Variants in GCH1 observed in about 807,000 individuals in gnomAD.
GCH1 encodes GTP cyclohydrolase I.
Under a neutral mutation model 25.9 loss-of-function variants are expected in GCH1, and 5 were observed. That is an observed-to-expected ratio of 0.19 (90% confidence interval 0.10 to 0.41). The LOEUF (loss-of-function observed/expected upper bound fraction) is 0.41. Ranked by LOEUF, GCH1 falls within the 10% of genes least tolerant of loss-of-function variation. GCH1 has a pLI of 1.00. For missense variants in GCH1, 261 were observed against 336.5 expected, an observed-to-expected ratio of 0.78 and a Z score of 1.75; for synonymous variants, 159 against 129.6, an observed-to-expected ratio of 1.23 and a Z score of -1.54.
At chr14:54,895,673 G>C (rs367612321) in intron 1 of GCH1, among the ~76,000 whole-genome samples, 2 of 152,312 alleles carry the variant, frequency 1.3e-5, no homozygotes, top group South Asian at 4.1e-4. Flanking sequence ...ATAAAACCTT[G>C]AATATTTAAG....
At chr14:54,901,004 TA>T (rs36095464) in intron 1 of GCH1, among the ~76,000 whole-genome samples, 2 of 151,744 alleles carry the variant, frequency 1.3e-5, no homozygotes, top group African/African-American at 4.8e-5. Flanking sequence ...AATTGAGGGG[TA>T]AAAAAAAGTG....
chr14:54,869,132 G>A lies in GCH1; in HGVS notation c.344-3696C>T, dbSNP rs370462109. Among the ~76,000 whole-genome samples the A allele has an allele frequency of 7.3e-3, 1,093 of 150,380 alleles. 13 individuals are homozygous for A. Among genetic ancestry groups the A allele is most frequent in the African/African-American group, 0.025 (1,009 of 40,956 alleles). ...CGGCTCACTGCAACCTTCGCCTCCC[G>A]GGTTCAAGCGATTCTCCTGCCTCAG... On this transcript the variant is annotated intron_variant, in intron 1 of 5. Coordinates refer to ENST00000491895, the MANE Select transcript of GCH1 (RefSeq NM_000161.3).
Position 54,843,805 on chromosome 14 carries a change from T to C in GCH1, c.*212A>G, listed in dbSNP as rs560636108. ...ACACTATTAGCAGTTCACTTTAATATTGCCACAAAAAGGTGGCAAGAAGAA... is the reference window on the plus strand; with the variant it reads ...ACACTATTAGCAGTTCACTTTAATACTGCCACAAAAAGGTGGCAAGAAGAA... On this transcript the variant is annotated 3_prime_UTR_variant, in exon 6 of 6. Transcript: ENST00000491895. 8.1e-6 allele frequency: 13 copies of C among 1,613,962 alleles called. No homozygotes were observed. Among genetic ancestry groups the C allele is most frequent in the African/African-American group, 8.0e-5 (6 of 75,052 alleles).
Position 54,865,452 on chromosome 14 carries a change from T to G in GCH1, c.344-16A>C. ...TTTAGGACATCTGAAATCAGAGGCT[T>G]GCTTTAGTAACATGTCCAATTTTAT... On this transcript the variant is annotated splice_polypyrimidine_tract_variant and intron_variant, in intron 1 of 5. Coordinates refer to ENST00000491895, the MANE Select transcript of GCH1 (RefSeq NM_000161.3). The G allele has an allele frequency of 8.2e-7, 1 of 1,225,870 alleles. No homozygotes were observed. Among genetic ancestry groups the G allele is most frequent in the Non-Finnish European group, 1.2e-6 (1 of 828,074 alleles). 75.9% of individuals were successfully genotyped at this position (1,225,870 alleles called of 1,614,324 possible).
chr14:54,883,480 C>A (rs2040302664), intron 1 of GCH1, among the ~76,000 whole-genome samples: 1 of 151,232 alleles, frequency 6.6e-6, no homozygotes, highest in African/African-American at 2.4e-5. Context: ...GAAATCGTGA[C>A]CATCCTGGCT....
At chr14:54,869,260 C>T (rs766879426) in intron 1 of GCH1, among the ~76,000 whole-genome samples, 1 of 151,904 alleles carries the variant, frequency 6.6e-6, no homozygotes, top group African/African-American at 2.4e-5. Flanking sequence ...AGGCTGGTCT[C>T]GAACTCCTGA....
intron 3 of GCH1, among the ~76,000 whole-genome samples, chr14:54,853,721 A>C (rs1020993771): frequency 2.6e-5 from 4 of 151,188 alleles, no homozygotes; most frequent in Non-Finnish European, 4.4e-5. Context: ...TACATTAATC[A>C]GTGAGATTTG....
chr14:54,852,019 A>T (rs2039738688), intron 3 of GCH1, among the ~76,000 whole-genome samples: 1 of 152,196 alleles, frequency 6.6e-6, no homozygotes, highest in Non-Finnish European at 1.5e-5. Context: ...CGAACTACTG[A>T]CCTCAGGTGA....
intron 3 of GCH1, among the ~76,000 whole-genome samples, chr14:54,856,724 A>C (rs1448073026): frequency 2.6e-5 from 4 of 152,210 alleles, no homozygotes; most frequent in Non-Finnish European, 5.9e-5. Context: ...AAGTGCTGAG[A>C]TTACAGGCAT....
intron 5 of GCH1, among the ~76,000 whole-genome samples, chr14:54,844,890 C>T (rs2039615918): frequency 6.6e-6 from 1 of 152,154 alleles, no homozygotes; most frequent in Admixed American, 6.5e-5. Context: ...ATAAAAATGG[C>T]TATTGGCGTG....
chr14:54,900,656 A>T (rs1166696677), intron 1 of GCH1, among the ~76,000 whole-genome samples: 10 of 152,150 alleles, frequency 6.6e-5, no homozygotes, highest in Non-Finnish European at 1.2e-4. Context: ...GACCTGTCTC[A>T]GGGTCAGAAA....
intron 1 of GCH1, among the ~76,000 whole-genome samples, chr14:54,867,656 G>C (rs961844214): frequency 8.0e-5 from 12 of 149,416 alleles, no homozygotes; most frequent in Non-Finnish European, 1.6e-4. Context: ...CCTTGGGCAA[G>C]GTACTCTGTA....
At chr14:54,866,914 G>A (rs555526474) in intron 1 of GCH1, among the ~76,000 whole-genome samples, 3 of 152,180 alleles carry the variant, frequency 2.0e-5, no homozygotes, top group Non-Finnish European at 4.4e-5. Context: ...GGAGAAAAAG[G>A]CGCAGTGTCA....
intron 1 of GCH1, chr14:54,878,143 G>A (rs1334927436): frequency 1.3e-5 from 2 of 154,770 alleles, no homozygotes; most frequent in African/African-American, 4.8e-5. Context: ...TCCAGGGAAA[G>A]ATTTCCTCAA....
chr14:54,874,367 C>G (rs1341126154), intron 1 of GCH1, among the ~76,000 whole-genome samples: 2 of 152,146 alleles, frequency 1.3e-5, no homozygotes, highest in African/African-American at 4.8e-5. Flanking sequence ...CTATCTATGA[C>G]AAACCCACAG....
At chr14:54,871,993 A>ATTCAG (rs2040086218) in intron 1 of GCH1, among the ~76,000 whole-genome samples, 2 of 152,066 alleles carry the variant, frequency 1.3e-5, no homozygotes, top group Admixed American at 1.3e-4. Flanking sequence ...GGAAATACAG[A>ATTCAG]GAATGCCACA....
intron 1 of GCH1, among the ~76,000 whole-genome samples, chr14:54,890,365 C>T (rs1385268819): frequency 1.3e-5 from 2 of 152,268 alleles, no homozygotes; most frequent in Non-Finnish European, 2.9e-5. Context: ...GGCTTGGTGG[C>T]GCATGCCTAT....
chr14:54,883,595 A>T (rs1211355262), intron 1 of GCH1, among the ~76,000 whole-genome samples: 1 of 151,824 alleles, frequency 6.6e-6, no homozygotes, highest in African/African-American at 2.4e-5. Flanking sequence ...AGGAGAATGG[A>T]GTGAACCCAG....
At chr14:54,872,595 G>A (rs2040097365) in intron 1 of GCH1, among the ~76,000 whole-genome samples, 2 of 152,130 alleles carry the variant, frequency 1.3e-5, no homozygotes, top group Admixed American at 1.3e-4. Context: ...GCTGTATTCA[G>A]GAAACCCATC....
Sources: gnomAD v4.1 joint callset for allele counts (sites outside exome capture counted in the v4.1 genomes callset) on GRCh38, gnomAD v4.1.1 for gene constraint, MANE v1.5 for transcripts, NCBI Gene and HGNC (gene_info 2026-07-23, HGNC 2026-07-21) for gene names.